Variants in HFM1 observed in about 807,000 individuals in gnomAD.
The protein encoded by HFM1 is probable ATP-dependent DNA helicase HFM1.
HFM1 carries 169 observed loss-of-function variants against 192.1 expected under a neutral mutation model. The observed-to-expected ratio is 0.88, with a 90% CI of 0.78 to 1.00. The LOEUF is 1.00. HFM1 is among the 50% of genes least tolerant of loss of function. HFM1 has a pLI of 0.00. For missense variants in HFM1, 1,661 were observed against 1,668.0 expected, an observed-to-expected ratio of 1.00 and a Z score of 0.07; for synonymous variants, 525 against 537.8, an observed-to-expected ratio of 0.98 and a Z score of 0.33.
At chr1:91,359,096 CTCAT>C (rs774456089) in intron 13 of HFM1, among the ~76,000 whole-genome samples, 4 of 152,106 alleles carry the variant, frequency 2.6e-5, no homozygotes, top group Non-Finnish European at 5.9e-5. Flanking sequence ...CCATAAAAAC[CTCAT>C]TCAAAGGTCA....
chr1:91,296,989 G>A (rs559849076), intron 30 of HFM1, among the ~76,000 whole-genome samples: 142 of 152,324 alleles, frequency 9.3e-4, no homozygotes, highest in Admixed American at 1.4e-3. Flanking sequence ...AAAGCAGGGC[G>A]AGGCATCGCC....
At chr1:91,280,050 A>G (rs1667322802) in intron 30 of HFM1, among the ~76,000 whole-genome samples, 2 of 152,234 alleles carry the variant, frequency 1.3e-5, no homozygotes, top group Non-Finnish European at 2.9e-5. Context: ...TGATAAACAA[A>G]TATATTAATG....
At chr1:91,372,964 TA>T (rs1373372248) in intron 13 of HFM1, among the ~76,000 whole-genome samples, 1 of 152,144 alleles carries the variant, frequency 6.6e-6, no homozygotes, top group Non-Finnish European at 1.5e-5. Flanking sequence ...ACGTGTATTA[TA>T]AAAGAACTAC....
At chr1:91,377,893 G>T in intron 11 of HFM1, 132 bp downstream of exon 11, 1 of 818,756 alleles carries the variant, frequency 1.2e-6, no homozygotes, top group Non-Finnish European at 2.0e-6. Flanking sequence ...ATGAGATCTA[G>T]CCACAACTTT....
chr1:91,295,597 G>C (rs1346720568), intron 30 of HFM1, among the ~76,000 whole-genome samples: 1 of 152,156 alleles, frequency 6.6e-6, no homozygotes, highest in East Asian at 1.9e-4. Context: ...GAGGAATTCA[G>C]CATATTTATT....
At chr1:91,396,429 G>GTA in intron 2 of HFM1, 24 bp from the exon 3 acceptor site, 1 of 1,176,122 alleles carries the variant, frequency 8.5e-7, no homozygotes, top group Non-Finnish European at 1.2e-6. Context: ...AAAAATGTGA[G>GTA]TATATATGTT....
chr1:91,277,678 A>T (rs57678992), intron 30 of HFM1, among the ~76,000 whole-genome samples: 1 of 128,024 alleles, frequency 7.8e-6, no homozygotes, highest in African/African-American at 3.1e-5. Flanking sequence ...TATATACACT[A>T]TATATAATAT....
chr1:91,296,403 C>T lies in HFM1; in HGVS notation c.3391+16946G>A, dbSNP rs188225528. ...TGTGTCTATCCTTATGCCTACATCA[C>T]ATTCTTATTATCTACTGTTTAATAA... On this transcript the variant is annotated intron_variant, in intron 30 of 38. Transcript: ENST00000370425. Among the ~76,000 whole-genome samples, 8 of 152,238 alleles carry T rather than the reference C, an allele frequency of 5.3e-5. No homozygotes were observed. The East Asian group carries it at 5.8e-4, about 11-fold the overall frequency.
At position 91,268,988 on chromosome 1, in the gene HFM1, C is replaced by G. The variant is rs199999904; in HGVS notation, c.3773-1133G>C. Among the ~76,000 whole-genome samples the G allele has an allele frequency of 1.2e-4, 18 of 152,210 alleles. 1 individual carries two copies. In the East Asian group the frequency reaches 3.1e-3, roughly 26 times the overall value. ...TTTTCAAATACTAGAAGAATATTCT[C>G]TCAATTTTTTGTGTTATTCACAATG... is the stretch of plus-strand genomic sequence containing the variant. On this transcript the variant is annotated intron_variant, in intron 34 of 38. Coordinates refer to ENST00000370425, the MANE Select transcript of HFM1 (RefSeq NM_001017975.6).
intron 37 of HFM1, 44 bp from the exon 38 acceptor site, chr1:91,262,436 C>A: frequency 6.3e-7 from 1 of 1,577,164 alleles, no homozygotes. Context: ...AGTTTAAGCA[C>A]TCGGGCAAAA....
intron 30 of HFM1, among the ~76,000 whole-genome samples, chr1:91,299,468 C>A (rs959159147): frequency 1.6e-4 from 24 of 152,196 alleles, no homozygotes; most frequent in African/African-American, 1.9e-4. Flanking sequence ...CACCCCAAAT[C>A]AACAGAATAT....
Position 91,350,877 on chromosome 1 carries a change from G to A in HFM1, c.2073-6C>T, listed in dbSNP as rs1335324792. 6 of 1,550,848 alleles carry A rather than the reference G, an allele frequency of 3.9e-6. No homozygotes were observed. The highest frequency in any genetic ancestry group is 1.4e-5 in the African/African-American group (1 of 73,024). On this transcript the variant is annotated splice_region_variant and splice_polypyrimidine_tract_variant and intron_variant, in intron 17 of 38. Coordinates refer to ENST00000370425, the MANE Select transcript of HFM1 (RefSeq NM_001017975.6). ...CAATAAGATGTCTGTGCAAACTAAT[G>A]AAAAAAAACTTTGCATTATGAATAT...
At chr1:91,280,184 G>A (rs1181703392) in intron 30 of HFM1, among the ~76,000 whole-genome samples, 2 of 152,118 alleles carry the variant, frequency 1.3e-5, no homozygotes, top group African/African-American at 2.4e-5. Flanking sequence ...AACAGGTGAA[G>A]CTGTTCTGGT....
At chr1:91,305,867 C>T (rs1649528067) in intron 30 of HFM1, among the ~76,000 whole-genome samples, 3 of 152,100 alleles carry the variant, frequency 2.0e-5, no homozygotes, top group Admixed American at 1.3e-4. Flanking sequence ...TGCACCCAGC[C>T]CCCTTTTTGC....
chr1:91,365,129 T>G (rs1399450978), intron 13 of HFM1, among the ~76,000 whole-genome samples: 1 of 152,012 alleles, frequency 6.6e-6, no homozygotes, highest in Non-Finnish European at 1.5e-5. Context: ...CACTCACATG[T>G]GAAACGTGTT....
intron 20 of HFM1, among the ~76,000 whole-genome samples, chr1:91,330,879 T>C (rs1653731351): frequency 6.6e-6 from 1 of 152,120 alleles, no homozygotes; most frequent in South Asian, 2.1e-4. Flanking sequence ...ATACATCATA[T>C]CAAGACAATG....
At chr1:91,326,622 T>C (rs1328452401) in intron 20 of HFM1, among the ~76,000 whole-genome samples, 2 of 152,178 alleles carry the variant, frequency 1.3e-5, no homozygotes, top group African/African-American at 4.8e-5. Flanking sequence ...TCAAGGAAGC[T>C]CTTCAATCTG....
At chr1:91,380,699 A>T (rs1661454484) in intron 7 of HFM1, among the ~76,000 whole-genome samples, 1 of 152,190 alleles carries the variant, frequency 6.6e-6, no homozygotes, top group Admixed American at 6.6e-5. Context: ...AGTTGCAGTG[A>T]GCTGAGATTT....
rs371441106 is a variant in HFM1 at position 91,274,786 on chromosome 1, A to C, written c.3612T>G (p.Ser1204Arg). The change falls in exon 33 of 39, where the codon AGT (serine) becomes AGG (arginine). Residue 1204 changes from serine to arginine, a missense_variant. By Grantham distance (110) the Ser-to-Arg change is moderately radical. Transcript: ENST00000370425. ...TAAAACCAAACTCTTTAAGGTCCAC[A>C]CTTTGAGATTTATTCATCTGTATCT... Reference protein sequence around the residue: ...RLKIQMNKSQSVDLKEFGFTP... With the variant: ...RLKIQMNKSQRVDLKEFGFTP... The C allele has an allele frequency of 4.5e-6, 7 of 1,572,196 alleles. No homozygotes were observed. In the African/African-American group the frequency reaches 8.1e-5, roughly 18 times the overall value.
Sources: allele counts gnomAD v4.1 joint callset (sites outside exome capture counted in the v4.1 genomes callset), GRCh38; gene constraint gnomAD v4.1.1; transcripts MANE v1.5; gene names NCBI Gene and HGNC (gene_info 2026-07-23, HGNC 2026-07-21).